Variants in PCDHA11 observed in about 807,000 individuals in gnomAD.
The protein encoded by PCDHA11 is protocadherin alpha-11.
Under a neutral mutation model 70.3 loss-of-function variants are expected in PCDHA11, and 61 were observed. That is an observed-to-expected ratio of 0.87 (90% confidence interval 0.71 to 1.07). The LOEUF (loss-of-function observed/expected upper bound fraction) is 1.07, where lower values mean the gene tolerates loss of function less well. PCDHA11 is among the 50% of genes least tolerant of loss of function. PCDHA11 has a pLI of 0.00. For synonymous variants in PCDHA11, 633 were observed against 555.1 expected, an observed-to-expected ratio of 1.14 and a Z score of -1.97; for missense variants, 1,324 against 1,237.5, an observed-to-expected ratio of 1.07 and a Z score of -1.05.
At chr5:140,912,694 G>A (rs1328426442) in intron 1 of PCDHA11, among the ~76,000 whole-genome samples, 1 of 152,090 alleles carries the variant, frequency 6.6e-6, no homozygotes, top group Non-Finnish European at 1.5e-5. Flanking sequence ...GGTCTCAGGG[G>A]GAATGCTTTC....
intron 1 of PCDHA11, among the ~76,000 whole-genome samples, chr5:140,919,122 T>G (rs879989359): frequency 6.6e-6 from 1 of 152,224 alleles, no homozygotes; most frequent in African/African-American, 2.4e-5. Context: ...AGTTTTTGCT[T>G]CATGTGTTTT....
intron 1 of PCDHA11, among the ~76,000 whole-genome samples, chr5:140,964,638 A>T (rs1402541821): frequency 3.9e-5 from 6 of 152,098 alleles, no homozygotes; most frequent in Admixed American, 2.0e-4. Context: ...ATTTATTTTC[A>T]GAAACAAGTA....
chr5:140,994,558 A>G (rs1414971844), intron 3 of PCDHA11, among the ~76,000 whole-genome samples: 4 of 151,948 alleles, frequency 2.6e-5, no homozygotes, highest in Non-Finnish European at 5.9e-5. Context: ...TATAAAAATT[A>G]GCCGGGTGTG....
intron 3 of PCDHA11, among the ~76,000 whole-genome samples, chr5:141,007,652 A>T (rs2098338412): frequency 6.6e-6 from 1 of 152,112 alleles, no homozygotes; most frequent in African/African-American, 2.4e-5. Flanking sequence ...TGCCTAAAAA[A>T]CCATAAATTT....
intron 1 of PCDHA11, chr5:140,876,180 T>G (rs782772220): frequency 1.2e-6 from 2 of 1,613,982 alleles, no homozygotes; most frequent in East Asian, 4.5e-5. Flanking sequence ...TGGATGTGAA[T>G]GACAATGGTC....
intron 1 of PCDHA11, among the ~76,000 whole-genome samples, chr5:140,937,326 C>A (rs1287239556): frequency 2.0e-5 from 3 of 152,046 alleles, no homozygotes; most frequent in African/African-American, 7.2e-5. Flanking sequence ...CGTGAGCCAC[C>A]GCGCCCGGCT....
chr5:140,876,723 C>A (rs782820769), intron 1 of PCDHA11: 15 of 1,614,132 alleles, frequency 9.3e-6, no homozygotes, highest in East Asian at 2.2e-5. Context: ...ACCGCGAGAG[C>A]GTGTCGGCCT....
intron 1 of PCDHA11, chr5:140,927,776 T>C (rs781966197): frequency 7.4e-6 from 12 of 1,614,140 alleles, no homozygotes; most frequent in South Asian, 1.1e-5. Flanking sequence ...GAGGTGCAAG[T>C]AGCTGCTTCA....
intron 1 of PCDHA11, among the ~76,000 whole-genome samples, chr5:140,901,807 C>T (rs1227752610): frequency 6.6e-6 from 1 of 152,116 alleles, no homozygotes; most frequent in Non-Finnish European, 1.5e-5. Context: ...AACATTTTTA[C>T]AATATTGATT....
intron 1 of PCDHA11, among the ~76,000 whole-genome samples, chr5:140,919,099 C>T (rs972213897): frequency 4.6e-5 from 7 of 152,126 alleles, no homozygotes; most frequent in Non-Finnish European, 7.4e-5. Context: ...CTATTTCTCC[C>T]TTCATTTCTG....
At chr5:140,959,611 C>T (rs2095501064) in intron 1 of PCDHA11, among the ~76,000 whole-genome samples, 1 of 151,848 alleles carries the variant, frequency 6.6e-6, no homozygotes, top group Non-Finnish European at 1.5e-5. Context: ...GCTTTTCTTG[C>T]TTGTGATAGA....
At chr5:140,884,078 A>C (rs2059981897) in intron 1 of PCDHA11, 5 of 1,613,512 alleles carry the variant, frequency 3.1e-6, no homozygotes, top group Non-Finnish European at 4.2e-6. Flanking sequence ...TTCGGGCTAC[A>C]ATGCGTGGCT....
chr5:140,871,118 G>C lies in PCDHA11; in HGVS notation c.2015G>C (p.Gly672Ala), dbSNP rs1554165149. 6.2e-7 allele frequency: 1 copy of C among 1,613,306 alleles called. No homozygotes were observed. Among genetic ancestry groups the C allele is most frequent in the East Asian group, 2.2e-5 (1 of 44,852 alleles). Residue 672 changes from glycine (G) to alanine (A), a missense_variant, in exon 1 of 4, where the codon GGA (glycine) becomes GCA (alanine). Physicochemically the swap from Gly to Ala is moderately conservative, Grantham distance 60. Transcript: ENST00000398640. ...ATVLVSLVES[G>A]QAPKASSRTL... ...GTGCTGGTGTCGTTGGTGGAGAGCG[G>C]ACAGGCGCCAAAGGCCTCTTCCCGG...
intron 1 of PCDHA11, among the ~76,000 whole-genome samples, chr5:140,894,895 A>G (rs557164845): frequency 6.6e-6 from 1 of 152,316 alleles, no homozygotes; most frequent in South Asian, 2.1e-4. Context: ...AGACCAGGAT[A>G]ATTTTCCTAT....
Position 140,899,489 on chromosome 5 carries a change from A to G in PCDHA11, c.2391+27995A>G, listed in dbSNP as rs1445369123. 2.0e-5 allele frequency among the ~76,000 whole-genome samples: 3 copies of G among 152,246 alleles called. 1 individual carries two copies. Among genetic ancestry groups the G allele is most frequent in the Non-Finnish European group, 4.4e-5 (3 of 68,052 alleles). On this transcript the variant is annotated intron_variant, in intron 1 of 3. Coordinates refer to ENST00000398640, the MANE Select transcript of PCDHA11 (RefSeq NM_018902.5). ...TTTGGTTCTGTTTATATGCTGGATT[A>G]CATTTATTGATTTGCATATATTGCA...
intron 1 of PCDHA11, among the ~76,000 whole-genome samples, chr5:140,962,849 T>G (rs1434907172): frequency 6.6e-6 from 1 of 152,214 alleles, no homozygotes; most frequent in Non-Finnish European, 1.5e-5. Context: ...ATATAACTTG[T>G]GCTCGGTTTG....
At chr5:140,942,160 A>G (rs782205493) in intron 1 of PCDHA11, among the ~76,000 whole-genome samples, 11 of 152,218 alleles carry the variant, frequency 7.2e-5, no homozygotes, top group Non-Finnish European at 1.5e-4. Context: ...AACAGCTTCC[A>G]TATTTCTCTA....
At chr5:140,956,994 A>T (rs2095325479) in intron 1 of PCDHA11, among the ~76,000 whole-genome samples, 1 of 152,168 alleles carries the variant, frequency 6.6e-6, no homozygotes, top group Non-Finnish European at 1.5e-5. Flanking sequence ...AATTCAAGGA[A>T]GTGGTCTGAA....
intron 1 of PCDHA11, among the ~76,000 whole-genome samples, chr5:140,962,688 G>C (rs1433931568): frequency 2.0e-5 from 3 of 152,164 alleles, no homozygotes; most frequent in African/African-American, 7.2e-5. Context: ...TGTTTTATCT[G>C]TAAATAATGC....
Sources: allele counts gnomAD v4.1 joint callset (sites outside exome capture counted in the v4.1 genomes callset), GRCh38; gene constraint gnomAD v4.1.1; transcripts MANE v1.5; gene names NCBI Gene and HGNC (gene_info 2026-07-23, HGNC 2026-07-21).